RBFOX1: variants seen among roughly 807,000 people sequenced by gnomAD.
RBFOX1 encodes RNA binding fox-1 homolog 1, also known as RNA binding protein fox-1 homolog 1.
A neutral mutation model predicts 57.7 loss-of-function variants in RBFOX1; 8 were observed. The ratio of observed to expected loss-of-function variants is 0.14; its 90% CI spans 0.08 to 0.25. The LOEUF is 0.25. RBFOX1 is among the 10% of genes least tolerant of loss of function. The pLI is 1.00. For synonymous variants in RBFOX1, 326 were observed against 222.4 expected, an observed-to-expected ratio of 1.47 and a Z score of -4.15; for missense variants, 611 against 548.5, an observed-to-expected ratio of 1.11 and a Z score of -1.14.
At chr16:7,186,736 C>G (rs961672597) in intron 4 of RBFOX1, among the ~76,000 whole-genome samples, 1 of 149,550 alleles carries the variant, frequency 6.7e-6, no homozygotes, top group African/African-American at 2.4e-5. Flanking sequence ...CTTAGAGATT[C>G]TATATGAAGC....
At chr16:5,701,258 C>A (rs1032672418) in intron 3 of RBFOX1, among the ~76,000 whole-genome samples, 2 of 152,190 alleles carry the variant, frequency 1.3e-5, no homozygotes, top group Admixed American at 6.5e-5. Flanking sequence ...ATACTTGAAG[C>A]TAAAATACAG....
At chr16:6,871,117 A>G (rs181994030) in intron 3 of RBFOX1, among the ~76,000 whole-genome samples, 69 of 152,304 alleles carry the variant, frequency 4.5e-4, no homozygotes, top group African/African-American at 1.4e-3. Flanking sequence ...TTAGGATGGA[A>G]TTTGATGAAG....
At chr16:5,392,263 T>C (rs545263490) in intron 1 of RBFOX1, among the ~76,000 whole-genome samples, 23 of 152,202 alleles carry the variant, frequency 1.5e-4, no homozygotes, top group Admixed American at 3.3e-4. Flanking sequence ...ATACCACCTG[T>C]TCCTCTAAAA....
In RBFOX1 at chr16:7,040,146, G is replaced by T. The variant is rs555437278; in HGVS notation, c.-15-11911G>T. The stretch of plus-strand genomic sequence containing the variant: ...AGCAATTCTCCTGCCTCAGCCTCCC[G>T]AGTAGCTGGGACTACAGGTGCCCGC... On this transcript the variant is annotated intron_variant, in intron 3 of 15. Coordinates refer to ENST00000550418, the MANE Select transcript of RBFOX1 (RefSeq NM_018723.4). 5.3e-5 allele frequency among the ~76,000 whole-genome samples: 8 copies of T among 151,488 alleles called. No individual in the cohort carries two copies. In the East Asian group the frequency reaches 1.6e-3, roughly 29 times the overall value.
At chr16:6,794,793 T>A (rs1006089925) in intron 3 of RBFOX1, among the ~76,000 whole-genome samples, 1 of 152,136 alleles carries the variant, frequency 6.6e-6, no homozygotes, top group Non-Finnish European at 1.5e-5. Context: ...TTTCTTTCAG[T>A]AGCAGATGGT....
At chr16:7,348,561 C>G (rs1052455592) in intron 4 of RBFOX1, among the ~76,000 whole-genome samples, 7 of 152,086 alleles carry the variant, frequency 4.6e-5, no homozygotes, top group African/African-American at 1.7e-4. Flanking sequence ...AAATAGATCA[C>G]CAAAGAAATG....
chr16:7,689,838 T>G lies in RBFOX1; in HGVS notation c.995+13000T>G, dbSNP rs148084030. 3.9e-5 allele frequency among the ~76,000 whole-genome samples: 6 copies of G among 152,200 alleles called. No individual in the cohort carries two copies. In the East Asian group the frequency reaches 1.2e-3, roughly 29 times the overall value. Reference sequence around the variant, plus strand: ...TATGATATGGCCACTGTAGAGCAGTTTCTCTTTCAGGATGAGGTTTAAAGT... The same window carrying G: ...TATGATATGGCCACTGTAGAGCAGTGTCTCTTTCAGGATGAGGTTTAAAGT... On this transcript the variant is annotated intron_variant, in intron 14 of 15. Transcript: ENST00000550418.
chr16:5,793,377 C>G (rs75487143), intron 3 of RBFOX1, among the ~76,000 whole-genome samples: 3,072 of 152,334 alleles, frequency 0.02, 98 homozygotes, highest in African/African-American at 0.069. Context: ...AAACCTGAGC[C>G]TTGATTAGAA....
chr16:6,803,910 C>G (rs1033915109), intron 3 of RBFOX1, among the ~76,000 whole-genome samples: 1 of 152,106 alleles, frequency 6.6e-6, no homozygotes, highest in African/African-American at 2.4e-5. Flanking sequence ...AAGCTTTTAC[C>G]ATTGTTGTAG....
intron 2 of RBFOX1, among the ~76,000 whole-genome samples, chr16:5,518,253 C>G (rs1008373957): frequency 2.6e-5 from 4 of 152,162 alleles, no homozygotes; most frequent in African/African-American, 9.7e-5. Flanking sequence ...GCATCGTATA[C>G]TGACTGCTGG....
At chr16:5,725,356 G>T (rs2052102806) in intron 3 of RBFOX1, among the ~76,000 whole-genome samples, 1 of 152,122 alleles carries the variant, frequency 6.6e-6, no homozygotes, top group Non-Finnish European at 1.5e-5. Context: ...GGGTCCTCCT[G>T]CCTCAGCTTC....
chr16:6,167,555 A>G (rs1363845433), intron 1 of RBFOX1, among the ~76,000 whole-genome samples: 1 of 152,208 alleles, frequency 6.6e-6, no homozygotes, highest in East Asian at 1.9e-4. Context: ...TGCCCATCTT[A>G]TCTAACACAG....
rs145620806 is a variant in RBFOX1 at position 6,871,433 on chromosome 16, A to G, written c.-15-180624A>G. 3.1e-4 allele frequency among the ~76,000 whole-genome samples: 47 copies of G among 152,114 alleles called. 1 individual carries two copies. In the East Asian group the frequency reaches 8.7e-3, roughly 28 times the overall value. On this transcript the variant is annotated intron_variant, in intron 3 of 15. Transcript: ENST00000550418. Reference sequence around the variant, plus strand: ...ACTCCTGAGGTCAAATGATCTGCTCACCTCAGCCTCCCAAATTGCTGGGAT... The same window carrying G: ...ACTCCTGAGGTCAAATGATCTGCTCGCCTCAGCCTCCCAAATTGCTGGGAT...
At chr16:5,769,487 CA>C (rs113487749) in intron 3 of RBFOX1, among the ~76,000 whole-genome samples, 35,124 of 121,360 alleles carry the variant, frequency 0.29, 4,865 homozygotes, top group East Asian at 0.57. Flanking sequence ...CTAAAAAATA[CA>C]AAAAAAAAAA....
chr16:5,658,672 G>A (rs117680742), intron 3 of RBFOX1, among the ~76,000 whole-genome samples: 2,114 of 151,448 alleles, frequency 0.014, 29 homozygotes, highest in African/African-American at 0.032. Flanking sequence ...AGGTTGCTGT[G>A]AATGCCATTA....
At position 6,899,115 on chromosome 16, in the gene RBFOX1, GT is replaced by G. The variant is rs770781993; in HGVS notation, c.-15-152939del. ...AATGTGTGTACATCTGTGTATACGT[GT>G]TTATGCATATGTGTATATGTGTGTA... On this transcript the variant is annotated intron_variant, in intron 3 of 15. Transcript: ENST00000550418. Among the ~76,000 whole-genome samples, 12 of 151,290 alleles carry G rather than the reference GT, an allele frequency of 7.9e-5. No individual in the cohort carries two copies. The East Asian group carries it at 2.3e-3, about 29-fold the overall frequency.
intron 4 of RBFOX1, among the ~76,000 whole-genome samples, chr16:5,942,002 A>C (rs1261302096): frequency 6.6e-6 from 1 of 151,736 alleles, no homozygotes; most frequent in South Asian, 2.1e-4. Context: ...ACCTGAGTGG[A>C]GGAATAACAG....
intron 4 of RBFOX1, among the ~76,000 whole-genome samples, chr16:5,986,177 C>T (rs1337795337): frequency 6.6e-6 from 1 of 151,964 alleles, no homozygotes; most frequent in Non-Finnish European, 1.5e-5. Context: ...CATTCTCCTG[C>T]CTCAGCCTCC....
rs147231613 is a variant in RBFOX1, at chr16:7,295,425, A to C, written c.28-222722A>C. Among the ~76,000 whole-genome samples, 97 of 152,298 alleles carry C rather than the reference A, an allele frequency of 6.4e-4. 1 individual carries two copies. The highest frequency in any genetic ancestry group is 2.3e-3 in the African/African-American group (94 of 41,572). On this transcript the variant is annotated intron_variant, in intron 4 of 15. Transcript: ENST00000550418. ...CTGAAAATAGAAATACCTCATAATA[A>C]TAGTTGCTATATATTGAGTGGTTGC...
Sources: gnomAD v4.1 joint callset for allele counts (sites outside exome capture counted in the v4.1 genomes callset) on GRCh38, gnomAD v4.1.1 for gene constraint, MANE v1.5 for transcripts, NCBI Gene and HGNC (gene_info 2026-07-23, HGNC 2026-07-21) for gene names.